G3BP1: variants seen among roughly 807,000 people sequenced by gnomAD.
G3BP1 encodes ras GTPase-activating protein-binding protein 1.
A neutral mutation model predicts 58.6 loss-of-function variants in G3BP1; 35 were observed. The ratio of observed to expected loss-of-function variants is 0.60; its 90% confidence interval spans 0.46 to 0.79. The LOEUF (loss-of-function observed/expected upper bound fraction) is 0.79, where lower values mean the gene tolerates loss of function less well. Ranked by LOEUF, G3BP1 falls within the 30% of genes least tolerant of loss-of-function variation. The pLI is 0.00. For missense variants in G3BP1, 523 were observed against 580.8 expected, an observed-to-expected ratio of 0.90 and a Z score of 1.02; for synonymous variants, 191 against 195.4, an observed-to-expected ratio of 0.98 and a Z score of 0.19.
chr5:151,804,006 G>A lies in G3BP1; in HGVS notation c.1316G>A (p.Gly439Asp). ...CCTGGAGGCCCTCGAGGTGGGCTGGGTGGTGGAATGAGAGGCCCTCCCCGT... is the reference window on the plus strand; with the variant it reads ...CCTGGAGGCCCTCGAGGTGGGCTGGATGGTGGAATGAGAGGCCCTCCCCGT... The part of the protein sequence containing the change: ...RGPGGPRGGL[G>D]GGMRGPPRGG... The change falls in exon 12 of 12, where the codon GGT (glycine) becomes GAT (aspartate). Residue 439 changes from glycine (G) to aspartate (D), a missense_variant. Gly to Asp is a moderately conservative substitution (Grantham distance 94). Coordinates refer to ENST00000356245, the MANE Select transcript of G3BP1 (RefSeq NM_005754.3). The A allele has an allele frequency of 2.5e-6, 4 of 1,613,650 alleles. No homozygotes were observed. The highest frequency in any genetic ancestry group is 3.4e-6 in the Non-Finnish European group (4 of 1,179,804).
chr5:151,784,913 T>C (rs1040563858), intron 1 of G3BP1, among the ~76,000 whole-genome samples: 2 of 152,246 alleles, frequency 1.3e-5, no homozygotes, highest in Non-Finnish European at 2.9e-5. Flanking sequence ...GCAAATCTAA[T>C]GTTGAAACTT....
At chr5:151,798,243 G>A (rs1462744145) in intron 7 of G3BP1, among the ~76,000 whole-genome samples, 1 of 152,162 alleles carries the variant, frequency 6.6e-6, no homozygotes, top group East Asian at 1.9e-4. Flanking sequence ...CCACCTGCTT[G>A]GGAGGCTGAG....
rs1762807267 is a variant in G3BP1, at chr5:151,799,230, G to A, written c.760G>A (p.Val254Met). The A allele has an allele frequency of 1.3e-6, 2 of 1,585,892 alleles. No homozygotes were observed. Among genetic ancestry groups the A allele is most frequent in the African/African-American group, 1.3e-5 (1 of 74,372 alleles). Residue 254 changes from valine to methionine, a missense_variant, in exon 8 of 12, where the codon GTG becomes ATG. Transcript: ENST00000356245. Reference protein sequence around the residue: ...EDLRTFSWASVTSKNLPPSGA... With the variant: ...EDLRTFSWASMTSKNLPPSGA... ...CCCTTAGACATTTTCTTGGGCATCT[G>A]TGACCAGTAAGAATCTTCCACCCAG...
rs1290563015 is a variant in G3BP1 at position 151,805,755 on chromosome 5, G to A, written c.*1664G>A. 2 of 152,032 alleles carry A rather than the reference G, an allele frequency of 1.3e-5. No individual in the cohort carries two copies. The highest frequency in any genetic ancestry group is 4.8e-5 in the African/African-American group (2 of 41,378). The allele number at this position is 152,032 out of a possible 1,614,324, so 9.4% of individuals were successfully genotyped here. ...TAAAGTAACTTTGGTAACCACTTTT[G>A]GCCCAGATCACTGATAATAGGAAGA... On this transcript the variant is annotated 3_prime_UTR_variant, in exon 12 of 12. Coordinates refer to ENST00000356245, the MANE Select transcript of G3BP1 (RefSeq NM_005754.3).
At chr5:151,799,746 A>G (rs1219392752) in intron 8 of G3BP1, 143 bp from the exon 9 acceptor site, 4 of 609,322 alleles carry the variant, frequency 6.6e-6, no homozygotes, top group Non-Finnish European at 1.2e-5. Context: ...ACGGAAGAGA[A>G]GGGTATAAGA....
rs1042877 is a variant in G3BP1, at chr5:151,810,543, G to A, written c.*6452G>A. The A allele has an allele frequency of 0.45, 68,293 of 151,878 alleles. 15,784 individuals are homozygous for A. Among genetic ancestry groups the A allele is most frequent in the African/African-American group, 0.56 (23,121 of 41,402 alleles). 9.4% of individuals were successfully genotyped at this position (151,878 alleles called of 1,614,324 possible). A position where few individuals can be genotyped will look rare whatever the true frequency, so the allele number is the denominator to read the frequency against. On this transcript the variant is annotated 3_prime_UTR_variant, in exon 12 of 12. Transcript: ENST00000356245. ...TGTTCTAGAGCACTTTGTCTTTCTC[G>A]TAGTTCATAACTTACCCCTTCAGTC...
At position 151,800,783 on chromosome 5, in the gene G3BP1, C is replaced by T. The variant is rs2113249753; in HGVS notation, c.1108C>T (p.Arg370Cys). The change falls in exon 11 of 12, where the codon CGC (arginine) becomes TGC (cysteine). Residue 370 changes from arginine (R) to cysteine (C), a missense_variant. Arg to Cys is a radical substitution (Grantham distance 180). Coordinates refer to ENST00000356245, the MANE Select transcript of G3BP1 (RefSeq NM_005754.3). The part of the protein sequence containing the change: ...FQSYGNVVEL[R>C]INSGGKLPNF... Reference sequence around the variant, plus strand: ...AGGTTATGGAAACGTGGTGGAGTTGCGCATTAACAGTGGTGGGAAATTACC... The same window carrying T: ...AGGTTATGGAAACGTGGTGGAGTTGTGCATTAACAGTGGTGGGAAATTACC... 2 of 1,609,976 alleles carry T rather than the reference C, an allele frequency of 1.2e-6. No individual in the cohort carries two copies. The highest frequency in any genetic ancestry group is 8.5e-7 in the Non-Finnish European group (1 of 1,176,522).
chr5:151,788,121 C>T (rs1334946127), intron 2 of G3BP1, among the ~76,000 whole-genome samples: 2 of 151,988 alleles, frequency 1.3e-5, no homozygotes, highest in South Asian at 4.2e-4. Flanking sequence ...ACCATGTTGC[C>T]CAGGCTGATC....
At chr5:151,776,720 C>T (rs1363420801) in intron 1 of G3BP1, among the ~76,000 whole-genome samples, 2 of 151,630 alleles carry the variant, frequency 1.3e-5, no homozygotes, top group African/African-American at 4.8e-5. Flanking sequence ...ATTATCCTTG[C>T]TGATGTTTAC....
intron 2 of G3BP1, 67 bp downstream of exon 2, chr5:151,786,782 C>T (rs1762561083): frequency 1.1e-6 from 1 of 927,362 alleles, no homozygotes; most frequent in Non-Finnish European, 1.8e-6. Flanking sequence ...CTTTGAGATT[C>T]TCCCACTCAT....
Position 151,810,059 on chromosome 5 carries a change from T to G in G3BP1, c.*5968T>G, listed in dbSNP as rs2113262799. ...GTGCTTTTTCCACCTTGTATTGTTG[T>G]AACTGTAAGCTCCTAGGGGGCAGCA... On this transcript the variant is annotated 3_prime_UTR_variant, in exon 12 of 12. Transcript: ENST00000356245. 1 of 152,352 alleles carries G rather than the reference T, an allele frequency of 6.6e-6. No homozygotes were observed. The highest frequency in any genetic ancestry group is 2.4e-5 in the African/African-American group (1 of 41,580). 9.4% of individuals were successfully genotyped at this position (152,352 alleles called of 1,614,324 possible).
chr5:151,793,007 A>G (rs1183686067), intron 4 of G3BP1, among the ~76,000 whole-genome samples: 2 of 152,186 alleles, frequency 1.3e-5, no homozygotes, highest in African/African-American at 4.8e-5. Context: ...TCTTATACCT[A>G]CTGCGAGCAA....
At position 151,800,840 on chromosome 5, in the gene G3BP1, G is replaced by C. The variant is rs952700363; in HGVS notation, c.1165G>C (p.Glu389Gln). Reference protein sequence around the residue: ...NFGFVVFDDSEPVQKVLSNRP... With the variant: ...NFGFVVFDDSQPVQKVLSNRP... ...TGGTTTTGTTGTGTTTGATGATTCT[G>C]AGCCTGTTCAGAAAGTCCTTAGCAA... The change falls in exon 11 of 12, where the codon GAG becomes CAG. Residue 389 changes from glutamate to glutamine, a missense_variant. By Grantham distance (29) the Glu-to-Gln change is conservative. Around this residue, in one of 2 missense-constraint regions of G3BP1, gnomAD observed 125 missense variants for 181.7 expected, o/e 0.69. Transcript: ENST00000356245. 6.2e-7 allele frequency: 1 copy of C among 1,605,128 alleles called. No homozygotes were observed. Among genetic ancestry groups the C allele is most frequent in the African/African-American group, 1.3e-5 (1 of 74,466 alleles).
chr5:151,800,731 A>G (rs1203700107), intron 10 of G3BP1, 29 bp from the exon 11 acceptor site: 5 of 1,257,474 alleles, frequency 4.0e-6, no homozygotes, highest in Non-Finnish European at 5.9e-6. Flanking sequence ...TGGTCTAAGT[A>G]GTTATCTGAG....
intron 1 of G3BP1, among the ~76,000 whole-genome samples, chr5:151,774,984 A>C (rs1033295987): frequency 6.6e-6 from 1 of 152,208 alleles, no homozygotes; most frequent in African/African-American, 2.4e-5. Context: ...TGGGAAGGTC[A>C]AGTTGCAAGC....
At chr5:151,794,735 G>T (rs1010356814) in intron 5 of G3BP1, among the ~76,000 whole-genome samples, 1 of 152,258 alleles carries the variant, frequency 6.6e-6, no homozygotes, top group Non-Finnish European at 1.5e-5. Context: ...CATGGAAGAT[G>T]TGTAGACACA....
chr5:151,787,127 G>C (rs1430860188), intron 2 of G3BP1: 2 of 152,788 alleles, frequency 1.3e-5, no homozygotes, highest in Non-Finnish European at 2.9e-5. Context: ...CCAAAGTCCT[G>C]GGATTACAGG....
At chr5:151,775,146 C>G (rs1400216207) in intron 1 of G3BP1, among the ~76,000 whole-genome samples, 3 of 152,138 alleles carry the variant, frequency 2.0e-5, no homozygotes, top group Non-Finnish European at 4.4e-5. Flanking sequence ...GATAGAGTCC[C>G]TCTTCTGTCA....
At position 151,800,007 on chromosome 5, in the gene G3BP1, G is replaced by A. The variant is rs1487274353; in HGVS notation, c.955+7G>A. Reference sequence around the variant, plus strand: ...CAAAGGGGACCCAGACCAAGTAAGAGCTCAGAAGGGCGATTTCTCGTTTGG... The same window carrying A: ...CAAAGGGGACCCAGACCAAGTAAGAACTCAGAAGGGCGATTTCTCGTTTGG... On this transcript the variant is annotated splice_region_variant and intron_variant, in intron 9 of 11. Transcript: ENST00000356245. 1.3e-6 allele frequency: 2 copies of A among 1,527,906 alleles called. No individual in the cohort carries two copies. Among genetic ancestry groups the A allele is most frequent in the East Asian group, 4.5e-5 (2 of 44,438 alleles). The allele number at this position is 1,527,906 out of a possible 1,614,324, so 94.6% of individuals were successfully genotyped here.
Sources: allele counts gnomAD v4.1 joint callset (sites outside exome capture counted in the v4.1 genomes callset), GRCh38; gene constraint gnomAD v4.1.1; regional missense constraint gnomAD v4.1.1; transcripts MANE v1.5; gene names NCBI Gene and HGNC (gene_info 2026-07-23, HGNC 2026-07-21).